DNAH14: variants seen among roughly 807,000 people sequenced by gnomAD.
DNAH14 encodes the protein dynein axonemal heavy chain 14.
In DNAH14, 478 loss-of-function variants were observed where a neutral mutation model predicts 520.9. The ratio of observed to expected loss-of-function variants is 0.92; its 90% CI spans 0.85 to 0.99. The LOEUF (loss-of-function observed/expected upper bound fraction) is 0.99, where lower values mean the gene tolerates loss of function less well. Ranked by LOEUF, DNAH14 falls within the 50% of genes least tolerant of loss-of-function variation. The pLI, the probability that DNAH14 is intolerant of heterozygous loss-of-function variation, is 0.00. For synonymous variants in DNAH14, 1,581 were observed against 1,757.2 expected (o/e 0.90, Z 2.51); for missense variants, 4,831 against 5,234.5 (o/e 0.92, Z 2.38).
At chr1:225,139,443 A>G (rs2079235401) in intron 27 of DNAH14, among the ~76,000 whole-genome samples, 1 of 152,112 alleles carries the variant, frequency 6.6e-6, no homozygotes, top group African/African-American at 2.4e-5. Flanking sequence ...CCTACTGCTC[A>G]TTTTCCATTG....
intron 29 of DNAH14, 30 bp downstream of exon 29, chr1:225,144,658 C>T (rs941938528): frequency 1.7e-5 from 25 of 1,502,552 alleles, no homozygotes; most frequent in Non-Finnish European, 1.9e-5. Context: ...AGAATAAAAA[C>T]TTTTTTCTTT....
At chr1:225,396,650 T>C (rs6426067) in intron 84 of DNAH14, 102,247 of 152,112 alleles carry the variant, frequency 0.67, 36,992 homozygotes, top group East Asian at 0.85. Flanking sequence ...TTGCCTCTAT[T>C]CATCTAATCA....
At chr1:225,048,957 T>G (rs2068220987) in intron 15 of DNAH14, among the ~76,000 whole-genome samples, 2 of 152,084 alleles carry the variant, frequency 1.3e-5, no homozygotes, top group Admixed American at 6.6e-5. Context: ...TTCATTTCAC[T>G]AGTAACAAAT....
Position 225,324,225 on chromosome 1 carries a change from T to C in DNAH14, c.9499T>C (p.Phe3167Leu), listed in dbSNP as rs2094609558. The stretch of plus-strand genomic sequence containing the variant: ...ACATTAACTGTGTTCTCTCTAGGTT[T>C]TCGTGAAGCTAAAAAAAATTGTAAC... ...LDKDSIPDKVFVKLKKIVTLP... is the reference protein window; with the variant it reads ...LDKDSIPDKVLVKLKKIVTLP... The change falls in exon 63 of 86, where the codon TTC (phenylalanine) becomes CTC (leucine). Residue 3167 changes from phenylalanine to leucine, a missense_variant. Physicochemically the swap from Phe to Leu is conservative, Grantham distance 22. Transcript: ENST00000682510. 6.4e-7 allele frequency: 1 copy of C among 1,551,690 alleles called. No individual in the cohort carries two copies. Among genetic ancestry groups the C allele is most frequent in the African/African-American group, 1.4e-5 (1 of 73,176 alleles).
At chr1:225,104,591 A>G (rs2075842600) in intron 23 of DNAH14, among the ~76,000 whole-genome samples, 2 of 151,956 alleles carry the variant, frequency 1.3e-5, no homozygotes, top group Admixed American at 1.3e-4. Flanking sequence ...CAGAGATTCA[A>G]CTTCTTCCTG....
intron 36 of DNAH14, among the ~76,000 whole-genome samples, chr1:225,181,672 G>GTTTA (rs1021880041): frequency 3.9e-5 from 6 of 152,064 alleles, no homozygotes; most frequent in Admixed American, 6.6e-5. Context: ...TAATGGAGTT[G>GTTTA]TTTATTTATT....
Position 225,290,077 on chromosome 1 carries a change from G to T in DNAH14, c.8464G>T (p.Glu2822Ter). The change falls in exon 55 of 86, where the codon GAA (glutamate) becomes TAA (stop). Residue 2822 changes from glutamate to a stop codon, truncating the protein, a stop_gained. Transcript: ENST00000682510. LOFTEE classifies it high-confidence loss of function. ...TCTGATGGTTCCCAATTTAAACATA[G>T]AACAAGTAAGTACTTTTTGTCTTTG... ...TVLMVPNLNI[E>*]QDSFLEDLNY... The T allele has an allele frequency of 6.9e-7, 1 of 1,452,428 alleles. No individual in the cohort carries two copies. The highest frequency in any genetic ancestry group is 2.5e-5 in the Admixed American group (1 of 39,548). The allele number at this position is 1,452,428 out of a possible 1,614,324, so 90.0% of individuals were successfully genotyped here.
chr1:225,238,089 T>C (rs2091722732), intron 42 of DNAH14, among the ~76,000 whole-genome samples: 1 of 152,208 alleles, frequency 6.6e-6, no homozygotes, highest in Non-Finnish European at 1.5e-5. Context: ...AGTTCATTAT[T>C]ACCCACATTC....
At chr1:225,228,615 G>A (rs2090788560) in intron 41 of DNAH14, among the ~76,000 whole-genome samples, 1 of 151,840 alleles carries the variant, frequency 6.6e-6, no homozygotes, top group African/African-American at 2.4e-5. Context: ...CCTGGGGGGG[G>A]TCACTTCTTG....
At chr1:225,206,219 G>T in intron 40 of DNAH14, 40 bp downstream of exon 40, 1 of 1,481,852 alleles carries the variant, frequency 6.7e-7, no homozygotes, top group Middle Eastern at 1.7e-4. Context: ...AAGCAAAAAT[G>T]TTGTTTATGA....
intron 36 of DNAH14, among the ~76,000 whole-genome samples, chr1:225,172,099 G>T (rs927543955): frequency 5.3e-5 from 8 of 152,058 alleles, no homozygotes; most frequent in Non-Finnish European, 1.0e-4. Flanking sequence ...ATAAGGTATT[G>T]ATGGGACATA....
intron 52 of DNAH14, among the ~76,000 whole-genome samples, chr1:225,274,241 G>T (rs1574450471): frequency 9.2e-6 from 1 of 108,178 alleles, no homozygotes; most frequent in South Asian, 3.0e-4. Flanking sequence ...GTCTCGTTCT[G>T]TCGCCCAGGC....
At chr1:225,010,324 A>G (rs193015093) in intron 10 of DNAH14, among the ~76,000 whole-genome samples, 3 of 152,252 alleles carry the variant, frequency 2.0e-5, no homozygotes, top group Admixed American at 2.0e-4. Flanking sequence ...AATTTTATCA[A>G]AGGCCTTTTC....
Position 225,358,605 on chromosome 1 carries a change from A to G in DNAH14, c.11729A>G (p.Tyr3910Cys). Residue 3910 changes from tyrosine to cysteine, a missense_variant, in exon 74 of 86, where the codon TAT (tyrosine) becomes TGT (cysteine). By Grantham distance (194) the Tyr-to-Cys change is radical. Transcript: ENST00000682510. ...QRTGVNLKDA[Y>C]KGSNARTPLI... ...ACTGGAGTTAATTTGAAAGATGCAT[A>G]TAAAGGATCCAATGCCAGAACTCCG... The G allele has an allele frequency of 6.5e-7, 1 of 1,549,482 alleles. No homozygotes were observed. Among genetic ancestry groups the G allele is most frequent in the South Asian group, 1.2e-5 (1 of 83,310 alleles).
At chr1:225,296,672 G>C (rs951235392) in intron 55 of DNAH14, among the ~76,000 whole-genome samples, 1 of 152,036 alleles carries the variant, frequency 6.6e-6, no homozygotes, top group African/African-American at 2.4e-5. Flanking sequence ...GTAAGGCTAC[G>C]CTAGGGGTGA....
intron 41 of DNAH14, among the ~76,000 whole-genome samples, chr1:225,222,012 C>T (rs768700968): frequency 6.6e-6 from 1 of 152,168 alleles, no homozygotes; most frequent in Non-Finnish European, 1.5e-5. Flanking sequence ...CTCTCGGCTA[C>T]TGGACTCTTT....
intron 38 of DNAH14, among the ~76,000 whole-genome samples, chr1:225,198,977 T>A (rs1429855059): frequency 1.3e-5 from 2 of 152,174 alleles, no homozygotes; most frequent in Non-Finnish European, 2.9e-5. Flanking sequence ...AGTCCTGGAC[T>A]TTTTTTGTTG....
At chr1:225,235,940 A>G (rs569085007) in intron 42 of DNAH14, among the ~76,000 whole-genome samples, 1 of 151,818 alleles carries the variant, frequency 6.6e-6, no homozygotes, top group Admixed American at 6.6e-5. Flanking sequence ...CTTTTTTATT[A>G]GTCTAAGCAG....
intron 27 of DNAH14, among the ~76,000 whole-genome samples, chr1:225,135,550 G>A (rs1450451532): frequency 6.6e-6 from 1 of 152,164 alleles, no homozygotes; most frequent in Non-Finnish European, 1.5e-5. Context: ...TGCATTTGCA[G>A]AGGAGTGTGA....
Sources: gnomAD v4.1 joint callset for allele counts (sites outside exome capture counted in the v4.1 genomes callset) on GRCh38, gnomAD v4.1.1 for gene constraint, MANE v1.5 for transcripts, NCBI Gene and HGNC (gene_info 2026-07-23, HGNC 2026-07-21) for gene names.